SLCO6A1: variants seen among roughly 807,000 people sequenced by gnomAD.
SLCO6A1 encodes solute carrier organic anion transporter family member 6A1, also known as cancer/testis antigen 48.
SLCO6A1 carries 65 observed loss-of-function variants against 72.7 expected under a neutral mutation model. The observed-to-expected ratio is 0.89, with a 90% CI of 0.73 to 1.10. The LOEUF (loss-of-function observed/expected upper bound fraction) is 1.10, where lower values mean the gene tolerates loss of function less well. SLCO6A1 is among the 50% of genes least tolerant of loss of function. SLCO6A1 has a pLI of 0.00. For synonymous variants in SLCO6A1, 314 were observed against 298.2 expected (o/e 1.05, Z -0.55); for missense variants, 874 against 872.6 (o/e 1.00, Z -0.02).
At chr5:102,498,316 G>A (rs147124705) in intron 1 of SLCO6A1, among the ~76,000 whole-genome samples, 171 bp downstream of exon 1, 51 of 152,316 alleles carry the variant, frequency 3.3e-4, no homozygotes, top group Non-Finnish European at 6.9e-4. Flanking sequence ...CCACTGGGTG[G>A]CTAAACTTTG....
At chr5:102,436,900 C>A (rs781491835) in intron 7 of SLCO6A1, among the ~76,000 whole-genome samples, 1 of 152,120 alleles carries the variant, frequency 6.6e-6, no homozygotes, top group Non-Finnish European at 1.5e-5. Flanking sequence ...ATTTGACAAG[C>A]CTTACTTGTC....
Position 102,458,480 on chromosome 5 carries a change from T to A in SLCO6A1, c.1033A>T (p.Ile345Leu). 6.2e-7 allele frequency: 1 copy of A among 1,612,144 alleles called. No individual in the cohort carries two copies. Among genetic ancestry groups the A allele is most frequent in the Non-Finnish European group, 8.5e-7 (1 of 1,178,984 alleles). ...AGCTGTTTACGTTTCCTAGCTTTTA[T>A]CCGTGTTGAACCTATATATAAACAA... is the stretch of plus-strand genomic sequence containing the variant. The part of the protein sequence containing the change: ...FPNNMPGSTR[I>L]KARKRKQLHF... Residue 345 changes from isoleucine to leucine, a missense_variant, in exon 6 of 14, where the codon ATA becomes TTA. By Grantham distance (5) the Ile-to-Leu change is conservative. Coordinates refer to ENST00000506729, the MANE Select transcript of SLCO6A1 (RefSeq NM_173488.5).
At chr5:102,394,079 G>A (rs912331802) in intron 10 of SLCO6A1, among the ~76,000 whole-genome samples, 5 of 152,068 alleles carry the variant, frequency 3.3e-5, no homozygotes, top group Non-Finnish European at 7.4e-5. Flanking sequence ...GTACCTCAGG[G>A]GCAGTTTTAG....
At chr5:102,460,587 G>T (rs1251246620) in intron 4 of SLCO6A1, among the ~76,000 whole-genome samples, 1 of 152,062 alleles carries the variant, frequency 6.6e-6, no homozygotes, top group Non-Finnish European at 1.5e-5. Flanking sequence ...AGGGGAGGTT[G>T]ATTAATACAT....
chr5:102,451,180 G>A (rs971297654), intron 6 of SLCO6A1, among the ~76,000 whole-genome samples: 9 of 152,100 alleles, frequency 5.9e-5, no homozygotes, highest in Non-Finnish European at 1.2e-4. Flanking sequence ...TAAGCTCATT[G>A]CTCCCTATCG....
At chr5:102,474,815 A>G (rs889815688) in intron 4 of SLCO6A1, among the ~76,000 whole-genome samples, 2 of 152,050 alleles carry the variant, frequency 1.3e-5, no homozygotes, top group African/African-American at 4.8e-5. Context: ...AAGATACTCA[A>G]CACTACTAAT....
rs186178603 is a variant in SLCO6A1, at chr5:102,373,227, A to G, written c.*15+110T>C. 40 of 643,136 alleles carry G rather than the reference A, an allele frequency of 6.2e-5. No homozygotes were observed. In the Admixed American group the frequency reaches 6.7e-4, roughly 11 times the overall value. The allele number at this position is 643,136 out of a possible 1,614,324, so 39.8% of individuals were successfully genotyped here. On this transcript the variant is annotated intron_variant, in intron 13 of 13. Coordinates refer to ENST00000506729, the MANE Select transcript of SLCO6A1 (RefSeq NM_173488.5). Reference sequence around the variant, plus strand: ...ATTTGCACTCAAAATATAATAAAATATATAGAATTATATGAAGCACATTTG... The same window carrying G: ...ATTTGCACTCAAAATATAATAAAATGTATAGAATTATATGAAGCACATTTG...
intron 7 of SLCO6A1, among the ~76,000 whole-genome samples, chr5:102,424,135 A>T (rs1748761164): frequency 6.6e-6 from 1 of 152,184 alleles, no homozygotes; most frequent in Admixed American, 6.6e-5. Context: ...TTTAGAGGAA[A>T]ATTTATAGCA....
At chr5:102,400,252 A>C (rs995347295) in intron 9 of SLCO6A1, among the ~76,000 whole-genome samples, 5 of 151,976 alleles carry the variant, frequency 3.3e-5, no homozygotes, top group African/African-American at 1.2e-4. Flanking sequence ...ATTCAGAACC[A>C]CATAAAATAT....
In SLCO6A1 at chr5:102,498,629, G is replaced by C. The variant is rs1012456498; in HGVS notation, c.216C>G (p.Ser72=). 1 of 1,614,254 alleles carries C rather than the reference G, an allele frequency of 6.2e-7. No individual in the cohort carries two copies. The highest frequency in any genetic ancestry group is 1.7e-5 in the Admixed American group (1 of 60,038). The part of the protein sequence containing the change: ...GGFRKRKKAK[S]SVSKKPGEVD... ...CTTCTCCCGGCTTCTTGGAAACTGA[G>C]GACTTGGCTTTTTTCCTTTTTCGGA... Residue 72 remains serine, a synonymous_variant, in exon 1 of 14, where the codon TCC becomes TCG. Transcript: ENST00000506729.
At chr5:102,493,062 GT>G (rs1752753925) in intron 1 of SLCO6A1, among the ~76,000 whole-genome samples, 1 of 151,908 alleles carries the variant, frequency 6.6e-6, no homozygotes, top group African/African-American at 2.4e-5. Context: ...AACTTAAAGT[GT>G]ATTAAAAAAA....
intron 1 of SLCO6A1, among the ~76,000 whole-genome samples, chr5:102,488,997 G>A (rs899687468): frequency 3.3e-5 from 5 of 152,198 alleles, no homozygotes; most frequent in African/African-American, 1.2e-4. Context: ...CAGCAGGCCA[G>A]GGGAGACAGA....
chr5:102,430,125 ATAT>A (rs1197977560), intron 7 of SLCO6A1, among the ~76,000 whole-genome samples: 4 of 152,132 alleles, frequency 2.6e-5, no homozygotes, highest in African/African-American at 4.8e-5. Flanking sequence ...GTGTATAGAA[ATAT>A]TATTGATTTT....
chr5:102,395,899 T>C (rs1747048171), intron 10 of SLCO6A1, among the ~76,000 whole-genome samples: 1 of 152,330 alleles, frequency 6.6e-6, no homozygotes, highest in East Asian at 1.9e-4. Flanking sequence ...TTTGTTTTTT[T>C]CTTGTAAATT....
intron 9 of SLCO6A1, among the ~76,000 whole-genome samples, chr5:102,403,701 T>A (rs1174097229): frequency 2.0e-5 from 3 of 152,124 alleles, no homozygotes. Context: ...TTATTTACCA[T>A]GAAAAACTAC....
At chr5:102,373,974 C>T (rs1745633659) in intron 12 of SLCO6A1, among the ~76,000 whole-genome samples, 1 of 151,954 alleles carries the variant, frequency 6.6e-6, no homozygotes, top group African/African-American at 2.4e-5. Flanking sequence ...AAGCATTATA[C>T]AAATGTACTT....
chr5:102,388,780 G>C lies in SLCO6A1; in HGVS notation c.1925C>G (p.Ser642Cys), dbSNP rs201586744. The change falls in exon 12 of 14, where the codon TCT becomes TGT. Residue 642 changes from serine (S) to cysteine (C), a missense_variant. Transcript: ENST00000506729. ...PSIFKMSGET[S>C]CILRDVNKCG... ...TTTATTAACATCCCGTAAAATACAAGAAGTTTCTCCTGACATTTTAAAGAT... is the reference window on the plus strand; with the variant it reads ...TTTATTAACATCCCGTAAAATACAACAAGTTTCTCCTGACATTTTAAAGAT... The C allele has an allele frequency of 6.2e-7, 1 of 1,608,204 alleles. No homozygotes were observed. The highest frequency in any genetic ancestry group is 1.3e-5 in the African/African-American group (1 of 74,602).
intron 1 of SLCO6A1, among the ~76,000 whole-genome samples, chr5:102,490,563 G>A (rs920747341): frequency 2.0e-5 from 3 of 152,234 alleles, no homozygotes; most frequent in African/African-American, 4.8e-5. Context: ...ATGAAACCGC[G>A]GACCCTCACG....
chr5:102,457,806 T>C (rs1750809642), intron 6 of SLCO6A1, among the ~76,000 whole-genome samples: 1 of 152,216 alleles, frequency 6.6e-6, no homozygotes, highest in Non-Finnish European at 1.5e-5. Flanking sequence ...TGCACATGTA[T>C]GTTTACTGTG....
Sources: gnomAD v4.1 joint callset for allele counts (sites outside exome capture counted in the v4.1 genomes callset) on GRCh38, gnomAD v4.1.1 for gene constraint, MANE v1.5 for transcripts, NCBI Gene and HGNC (gene_info 2026-07-23, HGNC 2026-07-21) for gene names.